NRG3: variants seen among roughly 807,000 people sequenced by gnomAD.
NRG3 encodes the protein pro-neuregulin-3, membrane-bound isoform.
A neutral mutation model predicts 66.9 loss-of-function variants in NRG3; 31 were observed. The observed-to-expected ratio is 0.46, with a 90% CI of 0.35 to 0.63. The LOEUF (loss-of-function observed/expected upper bound fraction) is 0.63, where lower values mean the gene tolerates loss of function less well. Ranked by LOEUF, NRG3 falls within the 20% of genes least tolerant of loss-of-function variation. The pLI is 0.00. For synonymous variants in NRG3, 393 were observed against 359.4 expected (o/e 1.09, Z -1.06); for missense variants, 910 against 878.9 (o/e 1.04, Z -0.45).
At chr10:82,632,213 C>A (rs756601345) in intron 2 of NRG3, among the ~76,000 whole-genome samples, 1 of 152,154 alleles carries the variant, frequency 6.6e-6, no homozygotes, top group Non-Finnish European at 1.5e-5. Context: ...ATCTACCAAG[C>A]GACTGTTCAA....
intron 1 of NRG3, among the ~76,000 whole-genome samples, chr10:82,269,635 A>G (rs1206476900): frequency 1.3e-5 from 2 of 152,052 alleles, no homozygotes; most frequent in East Asian, 1.9e-4. Context: ...TTCATCATCT[A>G]TGCACTAGAT....
At chr10:82,412,998 A>T (rs2088224996) in intron 2 of NRG3, among the ~76,000 whole-genome samples, 2 of 152,284 alleles carry the variant, frequency 1.3e-5, no homozygotes, top group South Asian at 4.1e-4. Flanking sequence ...CCTCCACTGA[A>T]GTCTTGAACC....
intron 4 of NRG3, among the ~76,000 whole-genome samples, chr10:82,875,245 A>G (rs473585): frequency 0.74 from 113,207 of 152,160 alleles, 42,677 homozygotes; most frequent in African/African-American, 0.87. Flanking sequence ...AAATTAAATC[A>G]TGATTTGAAC....
intron 3 of NRG3, among the ~76,000 whole-genome samples, chr10:82,826,159 A>C (rs113451378): frequency 3.6e-4 from 55 of 151,304 alleles, no homozygotes; most frequent in African/African-American, 1.3e-3. Flanking sequence ...AGGAGCTCAT[A>C]ATCATAGAGA....
At chr10:82,905,824 G>A (rs1337638681) in intron 4 of NRG3, among the ~76,000 whole-genome samples, 1 of 152,070 alleles carries the variant, frequency 6.6e-6, no homozygotes, top group Non-Finnish European at 1.5e-5. Flanking sequence ...TGCACTGAGG[G>A]ATTGCTCTCT....
At chr10:82,427,891 C>G (rs944180915) in intron 2 of NRG3, among the ~76,000 whole-genome samples, 2 of 151,902 alleles carry the variant, frequency 1.3e-5, no homozygotes, top group African/African-American at 2.4e-5. Context: ...TATTTATTTG[C>G]TATATATATT....
intron 2 of NRG3, among the ~76,000 whole-genome samples, chr10:82,628,547 ACTT>A (rs1442205628): frequency 3.3e-5 from 5 of 152,070 alleles, no homozygotes; most frequent in South Asian, 2.1e-4. Flanking sequence ...GACTTTACTG[ACTT>A]CTTCTTACTC....
intron 4 of NRG3, among the ~76,000 whole-genome samples, chr10:82,871,307 T>G (rs2135988358): frequency 6.6e-6 from 1 of 151,924 alleles, no homozygotes; most frequent in Non-Finnish European, 1.5e-5. Context: ...GCCAATACTA[T>G]ACTATTTTGA....
intron 4 of NRG3, among the ~76,000 whole-genome samples, chr10:82,870,305 A>G (rs1841218745): frequency 6.6e-6 from 1 of 152,210 alleles, no homozygotes; most frequent in African/African-American, 2.4e-5. Flanking sequence ...ATTTCTTTCT[A>G]GAGCTGGATA....
intron 2 of NRG3, among the ~76,000 whole-genome samples, chr10:82,734,859 A>T (rs971906242): frequency 2.6e-5 from 4 of 152,044 alleles, no homozygotes; most frequent in Non-Finnish European, 5.9e-5. Context: ...TCTACAAAAA[A>T]TTAAAAAAAA....
At chr10:82,002,938 C>A (rs1355616027) in intron 1 of NRG3, among the ~76,000 whole-genome samples, 3 of 152,136 alleles carry the variant, frequency 2.0e-5, no homozygotes, top group African/African-American at 4.8e-5. Context: ...GTGTTATTAT[C>A]TAACTCACAT....
At chr10:82,910,883 T>C (rs1271766885) in intron 4 of NRG3, among the ~76,000 whole-genome samples, 1 of 152,208 alleles carries the variant, frequency 6.6e-6, no homozygotes, top group Non-Finnish European at 1.5e-5. Flanking sequence ...TGCCAACACT[T>C]GGAACATAGT....
chr10:82,399,527 A>G (rs564194140), intron 2 of NRG3, among the ~76,000 whole-genome samples: 2 of 152,274 alleles, frequency 1.3e-5, no homozygotes, highest in Non-Finnish European at 2.9e-5. Flanking sequence ...GATCCCTGAG[A>G]TCAGGGTGCC....
chr10:82,716,562 G>A (rs2056987118), intron 2 of NRG3, among the ~76,000 whole-genome samples: 1 of 152,056 alleles, frequency 6.6e-6, no homozygotes, highest in African/African-American at 2.4e-5. Context: ...GAGGATGTAC[G>A]GTGCCCTGCT....
At chr10:82,119,911 T>G (rs2067978643) in intron 1 of NRG3, among the ~76,000 whole-genome samples, 2 of 152,150 alleles carry the variant, frequency 1.3e-5, no homozygotes, top group Admixed American at 6.5e-5. Flanking sequence ...GGCTGGAAAT[T>G]CAGGGTAATG....
At chr10:82,274,148 A>G (rs2078730199) in intron 1 of NRG3, among the ~76,000 whole-genome samples, 1 of 152,090 alleles carries the variant, frequency 6.6e-6, no homozygotes, top group Non-Finnish European at 1.5e-5. Context: ...AATTAAAAAA[A>G]TCATTTCTAG....
intron 1 of NRG3, among the ~76,000 whole-genome samples, chr10:81,953,051 C>T (rs2133208133): frequency 6.6e-6 from 1 of 152,272 alleles, no homozygotes; most frequent in African/African-American, 2.4e-5. Flanking sequence ...AGCACTGACT[C>T]TGGATCTTGA....
intron 1 of NRG3, among the ~76,000 whole-genome samples, chr10:81,909,816 A>C (rs1179757840): frequency 6.6e-6 from 1 of 152,194 alleles, no homozygotes; most frequent in East Asian, 1.9e-4. Context: ...TTGTAATCAA[A>C]ATGGGAAATA....
At chr10:82,934,845 C>A (rs1365789778) in intron 4 of NRG3, among the ~76,000 whole-genome samples, 1 of 152,180 alleles carries the variant, frequency 6.6e-6, no homozygotes, top group African/African-American at 2.4e-5. Flanking sequence ...TTAGCACTTA[C>A]AAACTTTTCA....
Sources: allele counts gnomAD v4.1 joint callset (sites outside exome capture counted in the v4.1 genomes callset), GRCh38; gene constraint gnomAD v4.1.1; transcripts MANE v1.5; gene names NCBI Gene and HGNC (gene_info 2026-07-23, HGNC 2026-07-21).